The following FOXP1 variants were observed in gnomAD, a reference collection of about 807,000 sequenced individuals.
FOXP1 encodes the protein forkhead box P1.
Under a neutral mutation model 98.2 loss-of-function variants are expected in FOXP1, and 15 were observed. The ratio of observed to expected loss-of-function variants is 0.15; its 90% CI spans 0.10 to 0.24. FOXP1 has a LOEUF of 0.24. Among genes scored for constraint, FOXP1 ranks in the 10% least tolerant of loss-of-function variants. The pLI, the probability that FOXP1 is intolerant of heterozygous loss-of-function variation, is 1.00. For synonymous variants in FOXP1, 371 were observed against 314.5 expected (o/e 1.18, Z -1.90); for missense variants, 633 against 848.5 (o/e 0.75, Z 3.15).
chr3:71,325,556 T>G (rs563021909), intron 4 of FOXP1, among the ~76,000 whole-genome samples: 2 of 152,308 alleles, frequency 1.3e-5, no homozygotes, highest in African/African-American at 4.8e-5. Context: ...TTCTAACCAC[T>G]GCTTTCAGTC....
At chr3:71,384,763 T>A (rs754433155) in intron 3 of FOXP1, among the ~76,000 whole-genome samples, 1 of 152,190 alleles carries the variant, frequency 6.6e-6, no homozygotes, top group Non-Finnish European at 1.5e-5. Context: ...CAATGAAAGC[T>A]TTTTAATTTT....
chr3:71,271,880 G>C (rs1408897649), intron 5 of FOXP1, among the ~76,000 whole-genome samples: 1 of 152,234 alleles, frequency 6.6e-6, no homozygotes, highest in Non-Finnish European at 1.5e-5. Context: ...CAGGGTGTCT[G>C]AATTGTTAAA....
chr3:71,481,869 C>T (rs866462469), intron 3 of FOXP1, among the ~76,000 whole-genome samples: 1 of 152,112 alleles, frequency 6.6e-6, no homozygotes, highest in African/African-American at 2.4e-5. Context: ...TTTTCTCACT[C>T]GATGCTATTT....
chr3:71,460,187 T>C (rs1479386692), intron 3 of FOXP1, among the ~76,000 whole-genome samples: 4 of 151,890 alleles, frequency 2.6e-5, no homozygotes, highest in Admixed American at 2.0e-4. Context: ...GTCCATCTTC[T>C]TGATATTAGC....
upstream of FOXP1, chr3:71,583,899 G>A (rs2048393357): frequency 1.0e-6 from 1 of 982,928 alleles, no homozygotes; most frequent in Non-Finnish European, 1.2e-6. Context: ...TCCCCTCTCC[G>A]CTTCACGCAC....
Position 71,032,685 on chromosome 3 carries a change from C to T in FOXP1, c.869+8643G>A, listed in dbSNP as rs9861326. ...GCCAGGCCACGGGGTAACACTGGTG[C>T]GAACACAGCAATAAAACAGAATAAC... On this transcript the variant is annotated intron_variant, in intron 11 of 20. Coordinates refer to ENST00000649528, the MANE Select transcript of FOXP1 (RefSeq NM_001349338.3). 5.0e-3 allele frequency among the ~76,000 whole-genome samples: 758 copies of T among 152,128 alleles called. 4 individuals are homozygous for T. Among genetic ancestry groups the T allele is most frequent in the Non-Finnish European group, 7.5e-3 (510 of 68,012 alleles).
At chr3:71,400,885 T>A (rs1225334847) in intron 3 of FOXP1, among the ~76,000 whole-genome samples, 1 of 152,138 alleles carries the variant, frequency 6.6e-6, no homozygotes, top group Non-Finnish European at 1.5e-5. Context: ...AAGAAAGTAA[T>A]ACCCCAATAA....
intron 6 of FOXP1, among the ~76,000 whole-genome samples, chr3:71,115,735 T>C (rs1250281177): frequency 1.1e-5 from 1 of 93,440 alleles, no homozygotes; most frequent in Non-Finnish European, 2.1e-5. Context: ...CACAAAACTA[T>C]TCTTTTTTTT....
chr3:71,362,094 T>C (rs2078610338), intron 3 of FOXP1, among the ~76,000 whole-genome samples: 1 of 152,230 alleles, frequency 6.6e-6, no homozygotes, highest in African/African-American at 2.4e-5. Flanking sequence ...TGGATCACAA[T>C]ATGGCCAAGA....
intron 2 of FOXP1, among the ~76,000 whole-genome samples, chr3:71,506,526 G>A (rs563007876): frequency 8.7e-4 from 132 of 152,250 alleles, no homozygotes; most frequent in African/African-American, 3.1e-3. Context: ...TCCAACTAAG[G>A]GGTTCCACGG....
At position 71,110,501 on chromosome 3, in the gene FOXP1, G is replaced by A. The variant is rs543041466; in HGVS notation, c.282+2035C>T. 3.9e-5 allele frequency among the ~76,000 whole-genome samples: 6 copies of A among 152,312 alleles called. No homozygotes were observed. In the East Asian group the frequency reaches 5.8e-4, roughly 15 times the overall value. ...TTAAGGCTGTAAGAGCTCCAAGAGGGAGGCAAAAAGAATGGACCATCATTT... is the reference window on the plus strand; with the variant it reads ...TTAAGGCTGTAAGAGCTCCAAGAGGAAGGCAAAAAGAATGGACCATCATTT... On this transcript the variant is annotated intron_variant, in intron 7 of 20. Coordinates refer to ENST00000649528, the MANE Select transcript of FOXP1 (RefSeq NM_001349338.3).
In FOXP1 at chr3:71,159,104, C is replaced by CA. The variant is rs34653634; in HGVS notation, c.180+39097dup. Among the ~76,000 whole-genome samples, 513 of 77,698 alleles carry CA rather than the reference C, an allele frequency of 6.6e-3. 6 individuals are homozygous for CA. The highest frequency in any genetic ancestry group is 0.014 in the African/African-American group (297 of 21,486). The allele number at this position is 77,698 out of a possible 152,430, so 51.0% of individuals were successfully genotyped here. ...TAGGTGACAGGGCGGAACCCTATCT[C>CA]AAAAAAAAAAAAAAAAAAAAAAAGT... On this transcript the variant is annotated intron_variant, in intron 6 of 20. Transcript: ENST00000649528.
intron 5 of FOXP1, among the ~76,000 whole-genome samples, chr3:71,277,035 T>C (rs940437975): frequency 6.6e-6 from 1 of 150,688 alleles, no homozygotes; most frequent in Non-Finnish European, 1.5e-5. Flanking sequence ...CTCGGCTCAC[T>C]GCAAGCTTCC....
At chr3:70,993,448 A>C (rs2040913324) in intron 13 of FOXP1, among the ~76,000 whole-genome samples, 1 of 152,240 alleles carries the variant, frequency 6.6e-6, no homozygotes, top group Non-Finnish European at 1.5e-5. Flanking sequence ...CACAGGCTAC[A>C]AAGGCTGGGT....
intron 2 of FOXP1, among the ~76,000 whole-genome samples, chr3:71,552,665 A>G (rs907696274): frequency 6.6e-5 from 10 of 152,176 alleles, no homozygotes; most frequent in Admixed American, 5.9e-4. Context: ...ATAAAGTACA[A>G]TAATTCAGAC....
intron 11 of FOXP1, among the ~76,000 whole-genome samples, chr3:71,035,924 T>C (rs963711248): frequency 2.0e-5 from 3 of 152,152 alleles, no homozygotes; most frequent in African/African-American, 7.2e-5. Flanking sequence ...TTCTAGAATT[T>C]TAGCAAGTAA....
At chr3:71,150,652 T>C (rs1446517217) in intron 6 of FOXP1, among the ~76,000 whole-genome samples, 2 of 152,170 alleles carry the variant, frequency 1.3e-5, no homozygotes, top group African/African-American at 4.8e-5. Context: ...ATTACTAGAA[T>C]TTCCCCTTTG....
chr3:71,173,818 C>G (rs540827079), intron 6 of FOXP1, among the ~76,000 whole-genome samples: 5 of 152,098 alleles, frequency 3.3e-5, no homozygotes, highest in Non-Finnish European at 7.3e-5. Flanking sequence ...TTGAAGTCAT[C>G]AGGAAAACCA....
At chr3:71,389,108 A>G (rs2080827573) in intron 3 of FOXP1, among the ~76,000 whole-genome samples, 1 of 152,028 alleles carries the variant, frequency 6.6e-6, no homozygotes, top group South Asian at 2.1e-4. Context: ...GGACAAAAAT[A>G]TTACATATCT....
Sources: gnomAD v4.1 joint callset for allele counts (sites outside exome capture counted in the v4.1 genomes callset) on GRCh38, gnomAD v4.1.1 for gene constraint, MANE v1.5 for transcripts, NCBI Gene and HGNC (gene_info 2026-07-23, HGNC 2026-07-21) for gene names.